The following AFG2A variants were observed in gnomAD, a reference collection of about 807,000 sequenced individuals.
The protein encoded by AFG2A is ATPase family gene 2 protein homolog A.
chr4:123,176,107 A>G, the AFG2A span, among the ~76,000 whole-genome samples: 1 of 152,206 alleles, frequency 6.6e-6, no homozygotes. Context: ...GGAGGGAAGA[A>G]TTGAGTGAAG....
At chr4:123,013,557 G>A in the AFG2A span, among the ~76,000 whole-genome samples, 3 of 152,224 alleles carry the variant, frequency 2.0e-5, no homozygotes, top group African/African-American at 7.2e-5. Context: ...GAGAACACAT[G>A]GACACAGGGA....
chr4:123,160,913 A>G, the AFG2A span, among the ~76,000 whole-genome samples: 3 of 152,186 alleles, frequency 2.0e-5, no homozygotes, highest in African/African-American at 7.2e-5. Context: ...AAGTAGAACA[A>G]TTATAACAAT....
the AFG2A span, among the ~76,000 whole-genome samples, chr4:123,071,373 G>A: frequency 2.6e-5 from 4 of 152,144 alleles, no homozygotes; most frequent in East Asian, 3.9e-4. Flanking sequence ...CCAGCTACTC[G>A]GGAGGCTGAG....
At chr4:123,198,495 T>TGA in the AFG2A span, among the ~76,000 whole-genome samples, 2 of 152,334 alleles carry the variant, frequency 1.3e-5, no homozygotes, top group South Asian at 4.1e-4. Context: ...ACTACTCTGT[T>TGA]TGAAGGGATC....
chr4:123,171,841 G>A, the AFG2A span, among the ~76,000 whole-genome samples: 339 of 151,626 alleles, frequency 2.2e-3, 2 homozygotes, highest in African/African-American at 7.8e-3. Context: ...TATATATATA[G>A]AATTCCTTGA....
the AFG2A span, among the ~76,000 whole-genome samples, chr4:123,026,998 T>C: frequency 6.6e-6 from 1 of 152,194 alleles, no homozygotes. Context: ...ACCACCCCTC[T>C]CCAAATGTAG....
At chr4:123,144,663 A>G in the AFG2A span, among the ~76,000 whole-genome samples, 1 of 152,146 alleles carries the variant, frequency 6.6e-6, no homozygotes, top group African/African-American at 2.4e-5. Context: ...ATTAAAAGCA[A>G]AAGCATTTCT....
the AFG2A span, among the ~76,000 whole-genome samples, chr4:123,119,099 A>G: frequency 6.6e-6 from 1 of 152,138 alleles, no homozygotes; most frequent in Non-Finnish European, 1.5e-5. Flanking sequence ...AGAGTTACTC[A>G]TCTTTATTGA....
At chr4:123,234,998 T>A in the AFG2A span, among the ~76,000 whole-genome samples, 1 of 152,172 alleles carries the variant, frequency 6.6e-6, no homozygotes, top group Non-Finnish European at 1.5e-5. Context: ...GTTTGAACAA[T>A]ATCAAGCATA....
chr4:123,125,480 A>G, the AFG2A span, among the ~76,000 whole-genome samples: 1 of 152,158 alleles, frequency 6.6e-6, no homozygotes, highest in Non-Finnish European at 1.5e-5. Flanking sequence ...TCTGTAGCTC[A>G]TCTCAATTTT....
At chr4:123,143,160 C>T in the AFG2A span, among the ~76,000 whole-genome samples, 1 of 151,044 alleles carries the variant, frequency 6.6e-6, no homozygotes. Context: ...GGGGTATTCA[C>T]CCTGTATTAT....
the AFG2A span, among the ~76,000 whole-genome samples, chr4:123,238,599 G>A: frequency 0.08 from 12,135 of 152,282 alleles, 766 homozygotes; most frequent in East Asian, 0.29. Context: ...GGACCTGACT[G>A]TTAGAAGAAA....
chr4:123,093,298 T>C, the AFG2A span, among the ~76,000 whole-genome samples: 1 of 151,944 alleles, frequency 6.6e-6, no homozygotes, highest in Non-Finnish European at 1.5e-5. Flanking sequence ...TTATACTCAC[T>C]TATGCCCACT....
the AFG2A span, among the ~76,000 whole-genome samples, chr4:123,048,244 G>A: frequency 6.6e-6 from 1 of 152,062 alleles, no homozygotes; most frequent in Admixed American, 6.6e-5. Flanking sequence ...CCAGTACCAT[G>A]CTGTTTTATT....
the AFG2A span, among the ~76,000 whole-genome samples, chr4:123,132,780 C>CTTTTT: frequency 1.5e-5 from 2 of 129,212 alleles, no homozygotes; most frequent in Admixed American, 7.8e-5. Context: ...GATTTCAATC[C>CTTTTT]TTTTTTTTTT....
At chr4:123,197,770 A>AAAT in the AFG2A span, among the ~76,000 whole-genome samples, 1 of 149,400 alleles carries the variant, frequency 6.7e-6, no homozygotes, top group Non-Finnish European at 1.5e-5. Context: ...TCCATCTCAA[A>AAAT]AAATAAATAA....
the AFG2A span, among the ~76,000 whole-genome samples, chr4:123,105,417 C>T: frequency 6.6e-6 from 1 of 152,164 alleles, no homozygotes; most frequent in African/African-American, 2.4e-5. Context: ...GTTTTTGTGT[C>T]TGCTAAAACA....
At chr4:123,070,914 T>C in the AFG2A span, among the ~76,000 whole-genome samples, 1 of 152,194 alleles carries the variant, frequency 6.6e-6, no homozygotes, top group African/African-American at 2.4e-5. Flanking sequence ...TGTTGTTTCT[T>C]ACGATTACTA....
the AFG2A span, among the ~76,000 whole-genome samples, chr4:123,227,143 G>C: frequency 2.0e-5 from 3 of 151,828 alleles, no homozygotes; most frequent in African/African-American, 4.8e-5. Context: ...CAATTTTGTT[G>C]ATCTTTTCAG....
Sources: allele counts gnomAD v4.1 joint callset (sites outside exome capture counted in the v4.1 genomes callset), GRCh38; gene constraint gnomAD v4.1.1; transcripts MANE v1.5; gene names NCBI Gene and HGNC (gene_info 2026-07-23, HGNC 2026-07-21).